ATXN2: variants seen among roughly 807,000 people sequenced by gnomAD.
ATXN2 encodes ataxin-2.
A neutral mutation model predicts 138.6 loss-of-function variants in ATXN2; 37 were observed. The observed-to-expected ratio is 0.27, with a 90% CI of 0.21 to 0.35. The LOEUF is 0.35. Ranked by LOEUF, ATXN2 falls within the 10% of genes least tolerant of loss-of-function variation. The pLI, the probability that ATXN2 is intolerant of heterozygous loss-of-function variation, is 1.00. For missense variants in ATXN2, 1,216 were observed against 1,480.3 expected, an observed-to-expected ratio of 0.82 and a Z score of 2.93; for synonymous variants, 549 against 543.7, an observed-to-expected ratio of 1.01 and a Z score of -0.13.
At chr12:111,539,260 G>A (rs1417778667) in intron 5 of ATXN2, among the ~76,000 whole-genome samples, 2 of 149,880 alleles carry the variant, frequency 1.3e-5, no homozygotes, top group African/African-American at 4.9e-5. Context: ...GAGGCAAAGA[G>A]GATTGCTTGG....
At chr12:111,582,993 G>GT (rs374845735) in intron 1 of ATXN2, among the ~76,000 whole-genome samples, 67 of 100,058 alleles carry the variant, frequency 6.7e-4, no homozygotes, top group South Asian at 1.0e-3. Context: ...TTTTTTGTTT[G>GT]TTTTTTTTTT....
In ATXN2 at chr12:111,485,343, T is replaced by TAA. The variant is rs142680833; in HGVS notation, c.2458-14_2458-13dup. ...ATTGGGTATAAAGGCTTGAGAGAAT[T>TAA]AAAAAAAAAATTAACATTAGGCACC... On this transcript the variant is annotated splice_polypyrimidine_tract_variant and intron_variant, in intron 17 of 24. Coordinates refer to ENST00000673436, the MANE Select transcript of ATXN2 (RefSeq NM_001372574.1). The TAA allele has an allele frequency of 2.6e-6, 4 of 1,547,734 alleles. No homozygotes were observed. Among genetic ancestry groups the TAA allele is most frequent in the African/African-American group, 2.7e-5 (2 of 72,750 alleles).
At chr12:111,456,662 T>C (rs2135648814) in intron 22 of ATXN2, among the ~76,000 whole-genome samples, 1 of 152,338 alleles carries the variant, frequency 6.6e-6, no homozygotes, top group South Asian at 2.1e-4. Flanking sequence ...TTATGAACTT[T>C]ATGTTAAATT....
At chr12:111,578,998 A>G (rs1235237866) in intron 1 of ATXN2, among the ~76,000 whole-genome samples, 1 of 152,170 alleles carries the variant, frequency 6.6e-6, no homozygotes, top group Non-Finnish European at 1.5e-5. Flanking sequence ...ATATCGCACC[A>G]CTGCACTCCA....
Position 111,510,397 on chromosome 12 carries a change from G to A in ATXN2, c.1744C>T (p.Pro582Ser), listed in dbSNP as rs144066383. The change falls in exon 12 of 25, where the codon CCT becomes TCT. Residue 582 changes from proline (P) to serine (S), a missense_variant. By Grantham distance (74) the Pro-to-Ser change is moderately conservative (BLOSUM62 -1). This residue lies in a region of ATXN2 where 215 missense variants were observed against 210.0 expected (regional missense o/e 1.02). Transcript: ENST00000673436. ...ASPASNRAVTPSSEAKDSRLQ... is the reference protein window; with the variant it reads ...ASPASNRAVTSSSEAKDSRLQ... ...CTTTGTTACATACCCTCACTAGAAG[G>A]GGTAACAGCTCTGTTCGATGCAGGA... 6.2e-7 allele frequency: 1 copy of A among 1,613,868 alleles called. No individual in the cohort carries two copies. Among genetic ancestry groups the A allele is most frequent in the East Asian group, 2.2e-5 (1 of 44,892 alleles).
chr12:111,585,148 TTAAC>T (rs1448728188), intron 1 of ATXN2, among the ~76,000 whole-genome samples: 2 of 152,160 alleles, frequency 1.3e-5, no homozygotes. Context: ...TATGAGCACA[TTAAC>T]TAACTACACT....
chr12:111,568,414 A>G (rs185876987), intron 1 of ATXN2, among the ~76,000 whole-genome samples: 209 of 152,218 alleles, frequency 1.4e-3, no homozygotes, highest in African/African-American at 4.7e-3. Context: ...CTCCTCCTCT[A>G]TATGTCCTTC....
At chr12:111,473,196 C>A (rs370016748) in intron 18 of ATXN2, among the ~76,000 whole-genome samples, 18 of 151,814 alleles carry the variant, frequency 1.2e-4, no homozygotes, top group African/African-American at 4.3e-4. Flanking sequence ...ATTGCCTTAG[C>A]TCGGGAAGTT....
Position 111,525,294 on chromosome 12 carries a change from G to C in ATXN2, c.594C>G (p.Ile198Met). 1 of 1,600,806 alleles carries C rather than the reference G, an allele frequency of 6.2e-7. No homozygotes were observed. Among genetic ancestry groups the C allele is most frequent in the Non-Finnish European group, 8.5e-7 (1 of 1,175,696 alleles). Reference sequence around the variant, plus strand: ...TGTGTTCGCCATTCACTTTAGCACTGATAGCAGAGTCAGTAAAAGCATCTG... The same window carrying C: ...TGTGTTCGCCATTCACTTTAGCACTCATAGCAGAGTCAGTAAAAGCATCTG... ...AKRDAFTDSA[I>M]SAKVNGEHKE... The change falls in exon 6 of 25, where the codon ATC becomes ATG. Residue 198 changes from isoleucine (I) to methionine (M), a missense_variant. Transcript: ENST00000673436.
chr12:111,554,329 G>T, intron 2 of ATXN2, 112 bp from the exon 3 acceptor site: 1 of 669,928 alleles, frequency 1.5e-6, no homozygotes, highest in Non-Finnish European at 2.3e-6. Flanking sequence ...TTTCGGATTT[G>T]GGGATATTTG....
chr12:111,478,835 C>A (rs1592811822), intron 18 of ATXN2, among the ~76,000 whole-genome samples: 1 of 151,652 alleles, frequency 6.6e-6, no homozygotes, highest in Admixed American at 6.6e-5. Flanking sequence ...GGTGAAACCC[C>A]GTCTCTACTA....
chr12:111,530,538 G>A (rs2135753951), intron 5 of ATXN2, among the ~76,000 whole-genome samples: 1 of 152,310 alleles, frequency 6.6e-6, no homozygotes, highest in Non-Finnish European at 1.5e-5. Flanking sequence ...TGTATAGCTG[G>A]GAGCGGTGGC....
intron 20 of ATXN2, among the ~76,000 whole-genome samples, chr12:111,465,767 CA>C (rs61456193): frequency 0.014 from 490 of 36,236 alleles, no homozygotes; most frequent in African/African-American, 0.017. Context: ...GAGACTACCT[CA>C]AAAAAAAAAA....
intron 2 of ATXN2, 111 bp downstream of exon 2, chr12:111,555,772 C>G (rs1486051770): frequency 9.1e-6 from 8 of 880,030 alleles, no homozygotes; most frequent in African/African-American, 8.7e-5. Flanking sequence ...GTCAAGTTAT[C>G]TATGACAAAA....
At chr12:111,554,268 C>A in intron 2 of ATXN2, 51 bp from the exon 3 acceptor site, 1 of 1,225,900 alleles carries the variant, frequency 8.2e-7, no homozygotes, top group Non-Finnish European at 1.1e-6. Flanking sequence ...CAAACTGAAT[C>A]TTCCTCATCT....
chr12:111,532,209 G>A (rs936828449), intron 5 of ATXN2, among the ~76,000 whole-genome samples: 2 of 152,052 alleles, frequency 1.3e-5, no homozygotes, highest in African/African-American at 2.4e-5. Flanking sequence ...GGCCGGGTGC[G>A]GTGGCTCACA....
chr12:111,489,976 G>C (rs1877910356), intron 14 of ATXN2, among the ~76,000 whole-genome samples: 1 of 151,842 alleles, frequency 6.6e-6, no homozygotes, highest in Admixed American at 6.6e-5. Context: ...GCCAAGGCAG[G>C]TGGATCACTT....
At chr12:111,558,669 C>T (rs986550100) in intron 1 of ATXN2, among the ~76,000 whole-genome samples, 88 of 152,134 alleles carry the variant, frequency 5.8e-4, no homozygotes, top group African/African-American at 2.0e-3. Context: ...TGGTGGCACA[C>T]GCCTGTGGTC....
intron 11 of ATXN2, chr12:111,512,014 A>C (rs1879556793): frequency 6.6e-6 from 1 of 152,068 alleles, no homozygotes; most frequent in Non-Finnish European, 1.5e-5. Flanking sequence ...CTTGTCACCC[A>C]GACTGGAGTG....
Sources: allele counts gnomAD v4.1 joint callset (sites outside exome capture counted in the v4.1 genomes callset), GRCh38; gene constraint gnomAD v4.1.1; regional missense constraint gnomAD v4.1.1; transcripts MANE v1.5; gene names NCBI Gene and HGNC (gene_info 2026-07-23, HGNC 2026-07-21).